The following GPM6A variants were observed in gnomAD, a reference collection of about 807,000 sequenced individuals.
GPM6A encodes the protein glycoprotein M6A, also known as neuronal membrane glycoprotein M6-a.
A neutral mutation model predicts 32.1 loss-of-function variants in GPM6A; 7 were observed. The observed-to-expected ratio is 0.22, with a 90% CI of 0.12 to 0.41. The LOEUF (loss-of-function observed/expected upper bound fraction) is 0.41, where lower values mean the gene tolerates loss of function less well. Ranked by LOEUF, GPM6A falls within the 10% of genes least tolerant of loss-of-function variation. The pLI, the probability that GPM6A is intolerant of heterozygous loss-of-function variation, is 1.00. For missense variants in GPM6A, 235 were observed against 347.2 expected, an observed-to-expected ratio of 0.68 and a Z score of 2.57; for synonymous variants, 130 against 123.4, an observed-to-expected ratio of 1.05 and a Z score of -0.35.
chr4:175,878,251 G>A (rs1737149682), intron 1 of GPM6A, among the ~76,000 whole-genome samples: 1 of 152,186 alleles, frequency 6.6e-6, no homozygotes, highest in African/African-American at 2.4e-5. Context: ...GGGTCTGGAG[G>A]ATAGTGGCCC....
intron 3 of GPM6A, 41 bp from the exon 4 acceptor site, chr4:175,652,028 C>T: frequency 1.3e-6 from 2 of 1,526,300 alleles, no homozygotes; most frequent in Non-Finnish European, 8.9e-7. Context: ...ATGTAATCTA[C>T]CAAAAAAGAA....
At chr4:175,836,241 G>A (rs953037782) in intron 1 of GPM6A, among the ~76,000 whole-genome samples, 3 of 151,924 alleles carry the variant, frequency 2.0e-5, no homozygotes, top group African/African-American at 7.3e-5. Flanking sequence ...TATACATACA[G>A]CAAGCCTAAT....
chr4:175,706,062 A>G (rs1050152353), intron 1 of GPM6A, among the ~76,000 whole-genome samples: 2 of 152,154 alleles, frequency 1.3e-5, no homozygotes, highest in Non-Finnish European at 2.9e-5. Flanking sequence ...TTTAACATGA[A>G]AACAAATATT....
intron 1 of GPM6A, among the ~76,000 whole-genome samples, chr4:175,778,177 T>C (rs781737578): frequency 1.3e-5 from 2 of 152,214 alleles, no homozygotes; most frequent in Non-Finnish European, 2.9e-5. Flanking sequence ...ATGGGATTAA[T>C]GTTTTCTGTG....
intron 1 of GPM6A, among the ~76,000 whole-genome samples, chr4:175,765,093 C>A (rs369408490): frequency 6.6e-6 from 1 of 151,938 alleles, no homozygotes; most frequent in Non-Finnish European, 1.5e-5. Flanking sequence ...AGGCTGGTCT[C>A]GAACTCCTGA....
Position 175,984,453 on chromosome 4 carries a change from G to A in GPM6A, c.-23+17856C>T, listed in dbSNP as rs532112236. Among the ~76,000 whole-genome samples, 10 of 152,014 alleles carry A rather than the reference G, an allele frequency of 6.6e-5. No individual in the cohort carries two copies. The East Asian group carries it at 9.6e-4, about 15-fold the overall frequency. On this transcript the variant is annotated intron_variant, in intron 1 of 7. Coordinates refer to the GPM6A transcript ENST00000280187. ...GCTGGGATAACAGGCATGAGCCACC[G>A]CGCCCAGCCCTCTCCTGTTCTTTTA...
chr4:175,737,682 A>C (rs1172232455), intron 1 of GPM6A, among the ~76,000 whole-genome samples: 5 of 152,198 alleles, frequency 3.3e-5, no homozygotes, highest in Non-Finnish European at 7.3e-5. Context: ...AGAACAAAGC[A>C]TGGTACAAGC....
In GPM6A at chr4:175,676,327, A is replaced by T. The variant is rs572711307; in HGVS notation, c.231-2491T>A. Among the ~76,000 whole-genome samples the T allele has an allele frequency of 9.2e-5, 14 of 152,274 alleles. No individual in the cohort carries two copies. In the East Asian group the frequency reaches 2.7e-3, roughly 29 times the overall value. On this transcript the variant is annotated intron_variant, in intron 2 of 6. Coordinates refer to ENST00000393658, the MANE Select transcript of GPM6A (RefSeq NM_201591.3). The stretch of plus-strand genomic sequence containing the variant: ...AGTGCTAGGATTACATGTGTGAGCC[A>T]CTACACCCAGCCTCCCTTTAATTTT...
chr4:175,948,199 C>T (rs1739675352), intron 1 of GPM6A, among the ~76,000 whole-genome samples: 1 of 152,080 alleles, frequency 6.6e-6, no homozygotes, highest in African/African-American at 2.4e-5. Context: ...CAGGATGTGT[C>T]CCCCTGAAAG....
chr4:175,820,293 C>G (rs1010376083), intron 1 of GPM6A, among the ~76,000 whole-genome samples: 2 of 152,000 alleles, frequency 1.3e-5, no homozygotes, highest in Admixed American at 1.3e-4. Flanking sequence ...GTCGATTATA[C>G]GTGTTCTCTA....
At chr4:175,818,145 G>C (rs1229231272) in intron 1 of GPM6A, among the ~76,000 whole-genome samples, 1 of 152,152 alleles carries the variant, frequency 6.6e-6, no homozygotes, top group Non-Finnish European at 1.5e-5. Flanking sequence ...GATAGAACTG[G>C]CTGGAAAGAT....
At chr4:175,795,335 G>A (rs922538123) in intron 1 of GPM6A, among the ~76,000 whole-genome samples, 1 of 152,172 alleles carries the variant, frequency 6.6e-6, no homozygotes, top group Non-Finnish European at 1.5e-5. Flanking sequence ...AATCCCTTCC[G>A]AGTAGCATTC....
intron 1 of GPM6A, among the ~76,000 whole-genome samples, chr4:175,798,875 A>G (rs1289276649): frequency 6.6e-6 from 1 of 152,208 alleles, no homozygotes; most frequent in Non-Finnish European, 1.5e-5. Flanking sequence ...GGGAAATGTA[A>G]AATGCATTTT....
At chr4:175,976,008 T>G (rs1162865537) in intron 1 of GPM6A, among the ~76,000 whole-genome samples, 3 of 152,140 alleles carry the variant, frequency 2.0e-5, no homozygotes, top group Non-Finnish European at 4.4e-5. Flanking sequence ...ATGCTATTTG[T>G]GTTTGAAAAT....
chr4:175,892,221 A>C (rs1737670128), intron 1 of GPM6A, among the ~76,000 whole-genome samples: 1 of 152,236 alleles, frequency 6.6e-6, no homozygotes, highest in South Asian at 2.1e-4. Context: ...TTATTTACAT[A>C]ATTAAAATCC....
chr4:175,647,575 C>T (rs540999671), intron 4 of GPM6A, among the ~76,000 whole-genome samples: 1 of 152,182 alleles, frequency 6.6e-6, no homozygotes, highest in African/African-American at 2.4e-5. Context: ...AAGATGTATA[C>T]CTCCACTAAG....
rs552821987 is a variant in GPM6A, at chr4:175,897,496, G to A, written c.-22-85247C>T. ...TGAGGAATGGACCTTCCTTCATGCA[G>A]TCCAGAGACCAGCATATTTAAGAAT... On this transcript the variant is annotated intron_variant, in intron 1 of 7. Coordinates refer to the GPM6A transcript ENST00000280187. 3.2e-4 allele frequency among the ~76,000 whole-genome samples: 48 copies of A among 152,268 alleles called. 1 individual carries two copies. In the South Asian group the frequency reaches 9.3e-3, roughly 30 times the overall value.
At chr4:175,639,463 A>G (rs987991468) in intron 6 of GPM6A, among the ~76,000 whole-genome samples, 1 of 152,160 alleles carries the variant, frequency 6.6e-6, no homozygotes, top group Non-Finnish European at 1.5e-5. Flanking sequence ...TCAAGGATAC[A>G]AACAAAGACT....
At chr4:175,922,816 A>G (rs1054132301) in intron 1 of GPM6A, among the ~76,000 whole-genome samples, 2 of 152,144 alleles carry the variant, frequency 1.3e-5, no homozygotes, top group African/African-American at 4.8e-5. Flanking sequence ...TTTTAAATCT[A>G]CCTAACATAA....
Sources: gnomAD v4.1 joint callset for allele counts (sites outside exome capture counted in the v4.1 genomes callset) on GRCh38, gnomAD v4.1.1 for gene constraint, MANE v1.5 for transcripts, NCBI Gene and HGNC (gene_info 2026-07-23, HGNC 2026-07-21) for gene names.